Variants in GATAD2B observed in about 807,000 individuals in gnomAD.
GATAD2B encodes the protein transcriptional repressor p66-beta.
In GATAD2B, 8 loss-of-function variants were observed where a neutral mutation model predicts 64.3. The ratio of observed to expected loss-of-function variants is 0.12; its 90% CI spans 0.07 to 0.22. The LOEUF (loss-of-function observed/expected upper bound fraction) is 0.22, where lower values mean the gene tolerates loss of function less well. Among genes scored for constraint, GATAD2B ranks in the 10% least tolerant of loss-of-function variants. The probability of loss-of-function intolerance (pLI) is 1.00; values close to 1 mark genes in which losing one functional copy is unlikely to be tolerated. For synonymous variants in GATAD2B, 281 were observed against 271.3 expected, an observed-to-expected ratio of 1.04 and a Z score of -0.35; for missense variants, 453 against 752.0, an observed-to-expected ratio of 0.60 and a Z score of 4.65.
chr1:153,823,365 T>C (rs1001977652), intron 2 of GATAD2B, among the ~76,000 whole-genome samples: 2 of 152,374 alleles, frequency 1.3e-5, no homozygotes, highest in Non-Finnish European at 2.9e-5. Flanking sequence ...TGTGTCTCTC[T>C]AGAATTCTAA....
chr1:153,907,179 A>G lies in GATAD2B; in HGVS notation c.-2+15554T>C, dbSNP rs142041390. Among the ~76,000 whole-genome samples, 344 of 152,358 alleles carry G rather than the reference A, an allele frequency of 2.3e-3. 1 individual carries two copies. Among genetic ancestry groups the G allele is most frequent in the Non-Finnish European group, 4.1e-3 (278 of 68,038 alleles). ...TCCTATACGCAAAACAATCGAAAGC[A>G]GGGACTCAAGCAGATATCTGCCCAG... On this transcript the variant is annotated intron_variant, in intron 1 of 10. Coordinates refer to ENST00000368655, the MANE Select transcript of GATAD2B (RefSeq NM_020699.4).
intron 1 of GATAD2B, chr1:153,852,103 T>C: frequency 5.1e-6 from 3 of 591,572 alleles, no homozygotes; most frequent in Non-Finnish European, 9.2e-6. Context: ...GCAAGTTTAA[T>C]GAGTTTTGTG....
chr1:153,889,901 C>T (rs977824719), intron 1 of GATAD2B, among the ~76,000 whole-genome samples: 4 of 151,978 alleles, frequency 2.6e-5, no homozygotes, highest in Admixed American at 1.3e-4. Flanking sequence ...CAGTGGGGCG[C>T]GGTGGCTCAC....
Position 153,807,827 on chromosome 1 carries a change from C to T in GATAD2B, c.*2350G>A, listed in dbSNP as rs1438026680. 3 of 152,594 alleles carry T rather than the reference C, an allele frequency of 2.0e-5. No individual in the cohort carries two copies. Among genetic ancestry groups the T allele is most frequent in the African/African-American group, 7.2e-5 (3 of 41,396 alleles). 9.5% of individuals were successfully genotyped at this position (152,594 alleles called of 1,614,324 possible). A position where few individuals can be genotyped will look rare whatever the true frequency, so the allele number is the denominator to read the frequency against. On this transcript the variant is annotated 3_prime_UTR_variant, in exon 11 of 11. Transcript: ENST00000368655. Reference sequence around the variant, plus strand: ...TCTCAACTGACAAACTTGGGCATCTCGTACCTCTGAGCACCTCTGAGCTTG... The same window carrying T: ...TCTCAACTGACAAACTTGGGCATCTTGTACCTCTGAGCACCTCTGAGCTTG...
At chr1:153,893,906 C>T (rs945965094) in intron 1 of GATAD2B, among the ~76,000 whole-genome samples, 1 of 135,322 alleles carries the variant, frequency 7.4e-6, no homozygotes, top group Non-Finnish European at 1.5e-5. Flanking sequence ...TGCAGTGAGC[C>T]GAGATCGCAC....
intron 1 of GATAD2B, among the ~76,000 whole-genome samples, chr1:153,851,784 A>T (rs1476265315): frequency 6.6e-6 from 1 of 152,172 alleles, no homozygotes; most frequent in Non-Finnish European, 1.5e-5. Flanking sequence ...CCGCATGAAG[A>T]TGTTTTTATT....
At chr1:153,873,728 G>C (rs774619282) in intron 1 of GATAD2B, among the ~76,000 whole-genome samples, 2 of 152,166 alleles carry the variant, frequency 1.3e-5, no homozygotes, top group Non-Finnish European at 2.9e-5. Flanking sequence ...TATATTGCTT[G>C]AGTACAGGAG....
intron 1 of GATAD2B, among the ~76,000 whole-genome samples, chr1:153,887,403 T>C (rs1040560456): frequency 1.3e-5 from 2 of 152,180 alleles, no homozygotes; most frequent in Admixed American, 6.5e-5. Flanking sequence ...CAATGACTGA[T>C]TGATTGACAA....
At chr1:153,888,312 A>G (rs1677246906) in intron 1 of GATAD2B, among the ~76,000 whole-genome samples, 1 of 152,168 alleles carries the variant, frequency 6.6e-6, no homozygotes, top group African/African-American at 2.4e-5. Context: ...TTATATTAGT[A>G]TTTAATACCT....
chr1:153,915,333 G>C (rs1205704585), intron 1 of GATAD2B, among the ~76,000 whole-genome samples: 3 of 152,172 alleles, frequency 2.0e-5, no homozygotes, highest in Admixed American at 6.5e-5. Flanking sequence ...TGCGGCAGGA[G>C]AATCACTTGA....
intron 4 of GATAD2B, among the ~76,000 whole-genome samples, chr1:153,818,407 C>T (rs1570929464): frequency 1.3e-5 from 2 of 151,052 alleles, no homozygotes; most frequent in African/African-American, 2.4e-5. Context: ...CTCCACCTCC[C>T]GGGTTCACGC....
intron 1 of GATAD2B, among the ~76,000 whole-genome samples, chr1:153,891,604 G>A (rs372293781): frequency 0.012 from 1,273 of 106,244 alleles, 55 homozygotes; most frequent in African/African-American, 0.042. Flanking sequence ...AAAAAGAGGT[G>A]GGGGGGAGAG....
chr1:153,828,146 C>T lies in GATAD2B; in HGVS notation c.202G>A (p.Asp68Asn). The change falls in exon 2 of 11, where the codon GAT (aspartate) becomes AAT (asparagine). Residue 68 changes from aspartate to asparagine, a missense_variant. Asp to Asn is a conservative substitution (Grantham distance 23, BLOSUM62 1). Coordinates refer to ENST00000368655, the MANE Select transcript of GATAD2B (RefSeq NM_020699.4). ...TCATAGCCCTTGACACCACTGCCAT[C>T]CTGTTTGGTGGGTAACTCATGTGGC... ...EVPHELPTKQDGSGVKGYEEK... is the reference protein window; with the variant it reads ...EVPHELPTKQNGSGVKGYEEK... 1 of 1,614,196 alleles carries T rather than the reference C, an allele frequency of 6.2e-7. No individual in the cohort carries two copies. The highest frequency in any genetic ancestry group is 8.5e-7 in the Non-Finnish European group (1 of 1,180,024).
chr1:153,813,209 C>A, intron 8 of GATAD2B, 41 bp downstream of exon 8: 1 of 1,554,986 alleles, frequency 6.4e-7, no homozygotes, highest in South Asian at 1.1e-5. Context: ...TTGGAAAAAA[C>A]AAACTGGGAC....
intron 4 of GATAD2B, among the ~76,000 whole-genome samples, 196 bp from the exon 5 acceptor site, chr1:153,818,367 T>C (rs1443109048): frequency 7.0e-6 from 1 of 143,408 alleles, no homozygotes; most frequent in East Asian, 2.1e-4. Flanking sequence ...CAGGCTGGAG[T>C]GCAGTGGCCT....
intron 1 of GATAD2B, among the ~76,000 whole-genome samples, chr1:153,868,126 G>A (rs764759441): frequency 5.3e-5 from 8 of 152,134 alleles, no homozygotes; most frequent in South Asian, 2.1e-4. Context: ...GCTCGAACCC[G>A]GGAGGGAGGA....
chr1:153,908,609 G>C (rs1035614321), intron 1 of GATAD2B, among the ~76,000 whole-genome samples: 7 of 150,122 alleles, frequency 4.7e-5, no homozygotes, highest in African/African-American at 1.7e-4. Context: ...GCTGGGATTA[G>C]AAGCATGTGC....
At chr1:153,870,782 T>C (rs1676639646) in intron 1 of GATAD2B, among the ~76,000 whole-genome samples, 1 of 152,140 alleles carries the variant, frequency 6.6e-6, no homozygotes, top group Non-Finnish European at 1.5e-5. Context: ...TATACAGAAA[T>C]ATCCCAAAAT....
chr1:153,859,417 C>G (rs1676195492), intron 1 of GATAD2B, among the ~76,000 whole-genome samples: 1 of 151,168 alleles, frequency 6.6e-6, no homozygotes, highest in East Asian at 1.9e-4. Flanking sequence ...TGCCTATAAC[C>G]CCGGCACTTT....
Sources: gnomAD v4.1 joint callset for allele counts (sites outside exome capture counted in the v4.1 genomes callset) on GRCh38, gnomAD v4.1.1 for gene constraint, MANE v1.5 for transcripts, NCBI Gene and HGNC (gene_info 2026-07-23, HGNC 2026-07-21) for gene names.